The following RPS6KC1 variants were observed in gnomAD, a reference collection of about 807,000 sequenced individuals.
RPS6KC1 encodes the protein inactive ribosomal protein S6 kinase delta-1.
RPS6KC1 carries 54 observed loss-of-function variants against 103.8 expected under a neutral mutation model. The ratio of observed to expected loss-of-function variants is 0.52; its 90% confidence interval spans 0.42 to 0.65. The LOEUF (loss-of-function observed/expected upper bound fraction) is 0.65, where lower values mean the gene tolerates loss of function less well. Among genes scored for constraint, RPS6KC1 ranks in the 30% least tolerant of loss-of-function variants. The pLI is 0.00. For synonymous variants in RPS6KC1, 439 were observed against 438.7 expected, an observed-to-expected ratio of 1.00 and a Z score of -0.01; for missense variants, 1,151 against 1,253.8, an observed-to-expected ratio of 0.92 and a Z score of 1.24.
chr1:213,714,305 A>G, the RPS6KC1 span, among the ~76,000 whole-genome samples: 1 of 152,376 alleles, frequency 6.6e-6, no homozygotes, highest in East Asian at 1.9e-4. Flanking sequence ...ATCCTCACCA[A>G]AAATGTAATT....
chr1:213,397,005 A>C, the RPS6KC1 span, among the ~76,000 whole-genome samples: 1 of 152,164 alleles, frequency 6.6e-6, no homozygotes, highest in Non-Finnish European at 1.5e-5. Context: ...AGCCCTTTCT[A>C]AATTCTCAAA....
chr1:213,111,409 A>T (rs1314134315), intron 4 of RPS6KC1, among the ~76,000 whole-genome samples: 1 of 152,136 alleles, frequency 6.6e-6, no homozygotes, highest in African/African-American at 2.4e-5. Flanking sequence ...TAAAATTAGG[A>T]TTGTGGCATT....
At chr1:213,193,501 A>G (rs951153512) in intron 8 of RPS6KC1, among the ~76,000 whole-genome samples, 1 of 152,140 alleles carries the variant, frequency 6.6e-6, no homozygotes, top group Non-Finnish European at 1.5e-5. Flanking sequence ...AACTCAAGTG[A>G]TCCACCCGCC....
the RPS6KC1 span, among the ~76,000 whole-genome samples, chr1:213,335,845 G>C: frequency 6.6e-6 from 1 of 152,226 alleles, no homozygotes; most frequent in South Asian, 2.1e-4. Flanking sequence ...CTCTTTGAAG[G>C]TGGGGATTCT....
chr1:213,113,819 C>T (rs1247895642), intron 4 of RPS6KC1, among the ~76,000 whole-genome samples: 7 of 152,114 alleles, frequency 4.6e-5, no homozygotes, highest in South Asian at 2.1e-4. Context: ...AATAGGGAAT[C>T]CTTTCCCCGT....
chr1:213,243,511 T>A (rs2094401143), intron 12 of RPS6KC1, among the ~76,000 whole-genome samples: 1 of 152,224 alleles, frequency 6.6e-6, no homozygotes, highest in Non-Finnish European at 1.5e-5. Flanking sequence ...AGTTTTATCT[T>A]GCCTTTACTG....
the RPS6KC1 span, among the ~76,000 whole-genome samples, chr1:213,440,393 T>C: frequency 6.6e-6 from 1 of 152,172 alleles, no homozygotes. Context: ...TCTTTTCTCC[T>C]AGTTTGAGAA....
intron 2 of RPS6KC1, among the ~76,000 whole-genome samples, chr1:213,072,681 T>C (rs1307327119): frequency 6.6e-6 from 1 of 152,248 alleles, no homozygotes; most frequent in East Asian, 1.9e-4. Flanking sequence ...CATATATATG[T>C]ATCAGTGAAA....
chr1:213,625,636 G>A, the RPS6KC1 span, among the ~76,000 whole-genome samples: 1 of 152,096 alleles, frequency 6.6e-6, no homozygotes, highest in South Asian at 2.1e-4. Flanking sequence ...GTGTCCATGT[G>A]TTCTCATTGT....
chr1:213,650,124 C>T, the RPS6KC1 span, among the ~76,000 whole-genome samples: 3 of 152,170 alleles, frequency 2.0e-5, no homozygotes, highest in Non-Finnish European at 2.9e-5. Context: ...TCTATACATC[C>T]AGGCGCTCCC....
intron 3 of RPS6KC1, among the ~76,000 whole-genome samples, chr1:213,082,188 A>G (rs1032089786): frequency 2.0e-5 from 3 of 152,050 alleles, no homozygotes; most frequent in Non-Finnish European, 2.9e-5. Context: ...TGGGAGGCGT[A>G]GTCGGGCAGA....
intron 12 of RPS6KC1, among the ~76,000 whole-genome samples, chr1:213,251,621 CT>C (rs1401131471): frequency 6.6e-6 from 1 of 152,110 alleles, no homozygotes; most frequent in Non-Finnish European, 1.5e-5. Context: ...GCTGAGTATG[CT>C]TTAGATAATG....
chr1:213,803,191 G>A, the RPS6KC1 span, among the ~76,000 whole-genome samples: 10 of 150,580 alleles, frequency 6.6e-5, no homozygotes, highest in South Asian at 1.7e-3. Context: ...TATTCCACAT[G>A]GTCCATGGGT....
chr1:213,766,385 A>T, the RPS6KC1 span, among the ~76,000 whole-genome samples: 1 of 152,206 alleles, frequency 6.6e-6, no homozygotes, highest in East Asian at 1.9e-4. Flanking sequence ...CTTGTCATCA[A>T]GAGCACAAAC....
At chr1:213,512,562 C>T in the RPS6KC1 span, among the ~76,000 whole-genome samples, 1 of 152,196 alleles carries the variant, frequency 6.6e-6, no homozygotes, top group Non-Finnish European at 1.5e-5. Flanking sequence ...GTGGTACAAA[C>T]TGCTGGAGTT....
the RPS6KC1 span, among the ~76,000 whole-genome samples, chr1:213,685,864 C>A: frequency 6.6e-6 from 1 of 152,138 alleles, no homozygotes; most frequent in Admixed American, 6.5e-5. Context: ...TGTTTGTTGC[C>A]ATACATTGCT....
intron 12 of RPS6KC1, among the ~76,000 whole-genome samples, chr1:213,251,052 C>T (rs985054048): frequency 2.0e-5 from 3 of 151,352 alleles, no homozygotes; most frequent in Non-Finnish European, 4.4e-5. Context: ...ATAGAAAAAA[C>T]CTTGAGTTAT....
At chr1:213,819,159 T>C in the RPS6KC1 span, 1 of 152,140 alleles carries the variant, frequency 6.6e-6, no homozygotes, top group Non-Finnish European at 1.5e-5. Flanking sequence ...CTGAAAGAGA[T>C]TAAATAACTC....
chr1:213,388,959 G>A, the RPS6KC1 span, among the ~76,000 whole-genome samples: 1 of 152,240 alleles, frequency 6.6e-6, no homozygotes, highest in Non-Finnish European at 1.5e-5. Context: ...GGACTGGACT[G>A]CTTTATGCTG....
Sources: gnomAD v4.1 joint callset for allele counts (sites outside exome capture counted in the v4.1 genomes callset) on GRCh38, gnomAD v4.1.1 for gene constraint, MANE v1.5 for transcripts, NCBI Gene and HGNC (gene_info 2026-07-23, HGNC 2026-07-21) for gene names.